The following TACR1 variants were observed in gnomAD, a reference collection of about 807,000 sequenced individuals.
TACR1 encodes the protein substance-P receptor.
In TACR1, 25 loss-of-function variants were observed where a neutral mutation model predicts 35.8. That is an observed-to-expected ratio of 0.70 (90% CI 0.51 to 0.98). The LOEUF is 0.98. Ranked by LOEUF, TACR1 falls within the 50% of genes least tolerant of loss-of-function variation. The pLI is 0.00. For missense variants in TACR1, 478 were observed against 522.9 expected (o/e 0.91, Z 0.84); for synonymous variants, 195 against 206.7 (o/e 0.94, Z 0.48).
At chr2:75,197,305 G>A (rs1676017388) in intron 1 of TACR1, among the ~76,000 whole-genome samples, 1 of 152,172 alleles carries the variant, frequency 6.6e-6, no homozygotes, top group Admixed American at 6.5e-5. Context: ...GACTACAGGA[G>A]CTAAAAAAGA....
At chr2:75,088,558 C>T (rs1673233222) in intron 2 of TACR1, among the ~76,000 whole-genome samples, 1 of 152,088 alleles carries the variant, frequency 6.6e-6, no homozygotes, top group Non-Finnish European at 1.5e-5. Context: ...AATAAATATT[C>T]ACTGAATGAG....
intron 1 of TACR1, among the ~76,000 whole-genome samples, chr2:75,190,427 A>G (rs1675814444): frequency 6.6e-6 from 1 of 152,250 alleles, no homozygotes; most frequent in African/African-American, 2.4e-5. Flanking sequence ...TGACCCAGTC[A>G]GGACAGTTTT....
intron 2 of TACR1, among the ~76,000 whole-genome samples, chr2:75,108,719 A>T (rs1673696351): frequency 6.6e-6 from 1 of 150,378 alleles, no homozygotes; most frequent in Admixed American, 6.6e-5. Context: ...ATATGATTGT[A>T]TTCCTAGAAA....
intron 1 of TACR1, among the ~76,000 whole-genome samples, chr2:75,133,814 C>T (rs546223814): frequency 2.6e-5 from 4 of 152,248 alleles, no homozygotes; most frequent in African/African-American, 7.2e-5. Flanking sequence ...CATTCCCAGA[C>T]GGTTAGGCAT....
chr2:75,051,176 A>G, intron 4 of TACR1, 75 bp downstream of exon 4: 1 of 1,597,142 alleles, frequency 6.3e-7, no homozygotes, highest in Non-Finnish European at 8.6e-7. Flanking sequence ...TTACTCATTT[A>G]GGATGGCCGC....
At chr2:75,167,875 G>C (rs1675182581) in intron 1 of TACR1, among the ~76,000 whole-genome samples, 1 of 151,974 alleles carries the variant, frequency 6.6e-6, no homozygotes, top group Non-Finnish European at 1.5e-5. Flanking sequence ...AATTCAAATA[G>C]AAAAATGATA....
At chr2:75,122,995 G>A (rs752148850) in intron 1 of TACR1, among the ~76,000 whole-genome samples, 8 of 152,124 alleles carry the variant, frequency 5.3e-5, no homozygotes, top group Non-Finnish European at 8.8e-5. Context: ...GGGGTGCGGT[G>A]GGTGGGGGAA....
intron 1 of TACR1, among the ~76,000 whole-genome samples, chr2:75,137,040 A>G (rs888818919): frequency 1.3e-5 from 2 of 152,160 alleles, no homozygotes; most frequent in Non-Finnish European, 2.9e-5. Context: ...TGTTAGGTCA[A>G]TGGTATCTCA....
chr2:75,116,507 G>T (rs1047220092), intron 2 of TACR1, among the ~76,000 whole-genome samples: 1 of 152,210 alleles, frequency 6.6e-6, no homozygotes, highest in Non-Finnish European at 1.5e-5. Context: ...CATTATGTTT[G>T]ATGTCATTGA....
chr2:75,148,185 T>C (rs1674588905), intron 1 of TACR1, among the ~76,000 whole-genome samples: 1 of 152,222 alleles, frequency 6.6e-6, no homozygotes, highest in African/African-American at 2.4e-5. Flanking sequence ...AACATACGTA[T>C]GCATGTATCT....
chr2:75,069,053 G>A (rs551301487), intron 2 of TACR1, among the ~76,000 whole-genome samples: 1 of 152,246 alleles, frequency 6.6e-6, no homozygotes, highest in Admixed American at 6.5e-5. Flanking sequence ...TTCCTGTGCT[G>A]TTCTCGTGAA....
chr2:75,123,880 C>T (rs1674020173), intron 1 of TACR1, among the ~76,000 whole-genome samples: 1 of 152,166 alleles, frequency 6.6e-6, no homozygotes, highest in South Asian at 2.1e-4. Context: ...CATTAACATA[C>T]ATTTATATAT....
At chr2:75,079,271 T>A (rs1168267117) in intron 2 of TACR1, among the ~76,000 whole-genome samples, 2 of 152,206 alleles carry the variant, frequency 1.3e-5, no homozygotes, top group Non-Finnish European at 2.9e-5. Flanking sequence ...ACATGGCCGC[T>A]GCTGTAGGGT....
chr2:75,058,113 A>G (rs1672606322), intron 2 of TACR1, among the ~76,000 whole-genome samples: 1 of 152,222 alleles, frequency 6.6e-6, no homozygotes, highest in African/African-American at 2.4e-5. Context: ...GATAAACCCC[A>G]TTTACATAGA....
chr2:75,132,509 G>A (rs1053120573), intron 1 of TACR1, among the ~76,000 whole-genome samples: 2 of 152,030 alleles, frequency 1.3e-5, no homozygotes, highest in Non-Finnish European at 2.9e-5. Flanking sequence ...TCCTCATATT[G>A]TCAGACTTCT....
chr2:75,155,584 C>T (rs10168354), intron 1 of TACR1, among the ~76,000 whole-genome samples: 86,537 of 152,096 alleles, frequency 0.57, 24,863 homozygotes, highest in African/African-American at 0.61. Flanking sequence ...TTCTAAGGGT[C>T]ACATAGCTCA....
At chr2:75,093,158 C>T (rs1002964425) in intron 2 of TACR1, among the ~76,000 whole-genome samples, 4 of 152,170 alleles carry the variant, frequency 2.6e-5, no homozygotes, top group Non-Finnish European at 5.9e-5. Context: ...TTCATTATTA[C>T]AATTTACAAC....
intron 1 of TACR1, chr2:75,186,784 A>C (rs1373607004): frequency 6.6e-6 from 1 of 152,186 alleles, no homozygotes; most frequent in Admixed American, 6.5e-5. Context: ...CAACTGTTTT[A>C]TATACAGCAG....
intron 1 of TACR1, among the ~76,000 whole-genome samples, chr2:75,185,499 C>G (rs1675670345): frequency 6.6e-6 from 1 of 151,950 alleles, no homozygotes; most frequent in African/African-American, 2.4e-5. Flanking sequence ...TAGCCTCAAC[C>G]TACAGTTTCT....
Sources: gnomAD v4.1 joint callset for allele counts (sites outside exome capture counted in the v4.1 genomes callset) on GRCh38, gnomAD v4.1.1 for gene constraint, MANE v1.5 for transcripts, NCBI Gene and HGNC (gene_info 2026-07-23, HGNC 2026-07-21) for gene names.